Variants in LRRC7 observed in about 807,000 individuals in gnomAD.
The protein encoded by LRRC7 is leucine-rich repeat-containing protein 7.
In LRRC7, 23 loss-of-function variants were observed where a neutral mutation model predicts 175.7. The observed-to-expected ratio is 0.13, with a 90% CI of 0.09 to 0.19. LRRC7 has a LOEUF of 0.19. Among genes scored for constraint, LRRC7 ranks in the 10% least tolerant of loss-of-function variants. LRRC7 has a pLI of 1.00. For synonymous variants in LRRC7, 685 were observed against 680.9 expected (o/e 1.01, Z -0.09); for missense variants, 1,354 against 1,904.7 (o/e 0.71, Z 5.38).
At chr1:69,933,828 G>A (rs773748180) in intron 8 of LRRC7, among the ~76,000 whole-genome samples, 5 of 152,106 alleles carry the variant, frequency 3.3e-5, no homozygotes, top group Non-Finnish European at 7.4e-5. Flanking sequence ...TTTTAATAAT[G>A]TATGATTTAT....
chr1:69,850,112 AGACCTTTAT>A (rs1682811244), intron 7 of LRRC7, among the ~76,000 whole-genome samples: 1 of 152,042 alleles, frequency 6.6e-6, no homozygotes, highest in Non-Finnish European at 1.5e-5. Context: ...TGGTCCAGAA[AGACCTTTAT>A]GAACAGGTCC....
intron 1 of LRRC7, among the ~76,000 whole-genome samples, chr1:69,569,081 ACACT>A (rs1015350473): frequency 9.2e-5 from 14 of 151,836 alleles, no homozygotes; most frequent in Admixed American, 8.5e-4. Flanking sequence ...ACACACACAC[ACACT>A]CACACACACT....
chr1:70,029,669 C>A (rs1020523750), intron 18 of LRRC7, among the ~76,000 whole-genome samples: 1 of 152,112 alleles, frequency 6.6e-6, no homozygotes, highest in Non-Finnish European at 1.5e-5. Context: ...AGCAGATACA[C>A]ACTAAATACA....
At chr1:69,827,893 G>A (rs1680107708) in intron 5 of LRRC7, among the ~76,000 whole-genome samples, 1 of 152,064 alleles carries the variant, frequency 6.6e-6, no homozygotes, top group Non-Finnish European at 1.5e-5. Context: ...TTTAACAAAT[G>A]TATACAGTCA....
At chr1:70,108,471 A>G (rs1331606677) in intron 26 of LRRC7, among the ~76,000 whole-genome samples, 1 of 152,050 alleles carries the variant, frequency 6.6e-6, no homozygotes, top group Non-Finnish European at 1.5e-5. Flanking sequence ...ACTGTCTTTA[A>G]TTTTTTGCTT....
At chr1:69,951,179 A>C (rs1557923841) in intron 8 of LRRC7, among the ~76,000 whole-genome samples, 1 of 149,070 alleles carries the variant, frequency 6.7e-6, no homozygotes, top group South Asian at 2.1e-4. Flanking sequence ...CAAACATATG[A>C]AAAAAAAACC....
In LRRC7 at chr1:70,006,593, T is replaced by C. The variant is rs191601894; in HGVS notation, c.1005-5204T>C. 3.9e-5 allele frequency among the ~76,000 whole-genome samples: 6 copies of C among 152,286 alleles called. No individual in the cohort carries two copies. In the East Asian group the frequency reaches 9.6e-4, roughly 24 times the overall value. On this transcript the variant is annotated intron_variant, in intron 11 of 26. Transcript: ENST00000651989. ...ATGGGATTTCCCACACCAAGCAACT[T>C]TGCAGTTCTCAGTGGATACCAGCTG... is the stretch of plus-strand genomic sequence containing the variant.
chr1:69,969,091 T>G (rs1410470402), intron 8 of LRRC7, among the ~76,000 whole-genome samples: 1 of 152,202 alleles, frequency 6.6e-6, no homozygotes, highest in Non-Finnish European at 1.5e-5. Context: ...GTGCTGGGAT[T>G]ACAGATGTGA....
intron 25 of LRRC7, among the ~76,000 whole-genome samples, chr1:70,094,752 G>A (rs1256853483): frequency 6.6e-6 from 1 of 152,138 alleles, no homozygotes; most frequent in Non-Finnish European, 1.5e-5. Flanking sequence ...ACAATACTCA[G>A]AGGCATGCGG....
chr1:70,129,544 C>T lies in LRRC7; in HGVS notation c.*7657C>T, dbSNP rs1666584156. ...CACTTTAAAAAGTGTGGGGGGGTTG[C>T]TTGAAAAGAGTCTTCTAGGTTCAGC... On this transcript the variant is annotated 3_prime_UTR_variant, in exon 27 of 27. Transcript: ENST00000651989. 6.6e-6 allele frequency among the ~76,000 whole-genome samples: 1 copy of T among 152,072 alleles called. No individual in the cohort carries two copies. The highest frequency in any genetic ancestry group is 6.5e-5 in the Admixed American group (1 of 15,270).
intron 7 of LRRC7, among the ~76,000 whole-genome samples, chr1:69,875,319 A>C (rs1467309034): frequency 2.0e-5 from 3 of 152,044 alleles, no homozygotes; most frequent in African/African-American, 7.2e-5. Flanking sequence ...ACTGCAGTAA[A>C]CCATGTTGCC....
chr1:70,078,810 GCACACACACACACGCACACACACA>G (rs1460907793), intron 24 of LRRC7, among the ~76,000 whole-genome samples: 4 of 141,212 alleles, frequency 2.8e-5, no homozygotes, highest in Non-Finnish European at 6.1e-5. Context: ...GCGCGCGCGC[GCACACACACACACGCACACACACA>G]CACACACACA....
At chr1:70,006,830 A>G (rs562176866) in intron 11 of LRRC7, among the ~76,000 whole-genome samples, 1 of 152,274 alleles carries the variant, frequency 6.6e-6, no homozygotes, top group African/African-American at 2.4e-5. Context: ...GGCTCACAAA[A>G]ATCAGGAAAA....
chr1:69,912,321 T>TGTG (rs753734366), intron 7 of LRRC7, among the ~76,000 whole-genome samples: 1 of 152,190 alleles, frequency 6.6e-6, no homozygotes, highest in Non-Finnish European at 1.5e-5. Flanking sequence ...AAAGAAACTT[T>TGTG]GTGGTGGTGG....
intron 11 of LRRC7, among the ~76,000 whole-genome samples, chr1:70,001,430 G>A (rs578026896): frequency 2.0e-5 from 3 of 152,148 alleles, no homozygotes; most frequent in East Asian, 3.9e-4. Flanking sequence ...CACATACTTC[G>A]TTTTATTCTC....
chr1:70,022,613 T>A (rs1406394744), intron 16 of LRRC7, among the ~76,000 whole-genome samples: 3 of 152,210 alleles, frequency 2.0e-5, no homozygotes, highest in African/African-American at 7.2e-5. Context: ...AATGAAACAA[T>A]GTGTGTTTCA....
rs6690916 is a variant in LRRC7, at chr1:70,133,611, A to G, written c.*11724A>G. 0.025 allele frequency among the ~76,000 whole-genome samples: 3,863 copies of G among 152,318 alleles called. 66 individuals carry two copies. The highest frequency in any genetic ancestry group is 0.039 in the Non-Finnish European group (2,628 of 68,024). ...CTCTAAATTTACACAATTTAAGAAA[A>G]AAACAAGAGCTTTGAGCTTATTTTA... On this transcript the variant is annotated 3_prime_UTR_variant, in exon 27 of 27. Transcript: ENST00000651989.
At chr1:69,676,296 A>C (rs1043852592) in intron 1 of LRRC7, among the ~76,000 whole-genome samples, 6 of 152,078 alleles carry the variant, frequency 3.9e-5, no homozygotes, top group African/African-American at 1.4e-4. Flanking sequence ...ACCCTCTGCC[A>C]GTATACCCGT....
intron 7 of LRRC7, among the ~76,000 whole-genome samples, chr1:69,891,724 T>A (rs1645839427): frequency 6.7e-6 from 1 of 148,700 alleles, no homozygotes; most frequent in South Asian, 2.1e-4. Context: ...AGAGTAAGAC[T>A]TTGTCTCAAA....
Sources: allele counts gnomAD v4.1 joint callset (sites outside exome capture counted in the v4.1 genomes callset), GRCh38; gene constraint gnomAD v4.1.1; transcripts MANE v1.5; gene names NCBI Gene and HGNC (gene_info 2026-07-23, HGNC 2026-07-21).